Variants in PTPRD observed in about 807,000 individuals in gnomAD.
The protein encoded by PTPRD is protein tyrosine phosphatase receptor type D.
In PTPRD, 34 loss-of-function variants were observed where a neutral mutation model predicts 214.5. The observed-to-expected ratio is 0.16, with a 90% confidence interval of 0.12 to 0.21. The LOEUF (loss-of-function observed/expected upper bound fraction) is 0.21, where lower values mean the gene tolerates loss of function less well. Among genes scored for constraint, PTPRD ranks in the 10% least tolerant of loss-of-function variants. The pLI is 1.00. For missense variants in PTPRD, 2,545 were observed against 2,398.7 expected, an observed-to-expected ratio of 1.06 and a Z score of -1.27; for synonymous variants, 1,128 against 845.7, an observed-to-expected ratio of 1.33 and a Z score of -5.79.
intron 9 of PTPRD, among the ~76,000 whole-genome samples, chr9:9,300,377 G>A (rs1380181331): frequency 2.0e-5 from 3 of 151,476 alleles, no homozygotes; most frequent in Non-Finnish European, 4.4e-5. Context: ...TCCTTCCTTG[G>A]AAGCTTTGAA....
At chr9:9,810,630 T>C (rs1034129141) in intron 5 of PTPRD, among the ~76,000 whole-genome samples, 1 of 151,890 alleles carries the variant, frequency 6.6e-6, no homozygotes, top group African/African-American at 2.4e-5. Flanking sequence ...AAAGATTTCG[T>C]TTAAAATACT....
At chr9:9,126,373 T>A (rs983853467) in intron 10 of PTPRD, among the ~76,000 whole-genome samples, 1 of 152,172 alleles carries the variant, frequency 6.6e-6, no homozygotes, top group East Asian at 1.9e-4. Flanking sequence ...TATTTGAATA[T>A]AAGCTGAATA....
chr9:9,851,093 T>C (rs1206118949), intron 5 of PTPRD, among the ~76,000 whole-genome samples: 3 of 152,194 alleles, frequency 2.0e-5, no homozygotes. Flanking sequence ...TATAAGCTTA[T>C]TTAAGGATGA....
chr9:10,582,586 G>A (rs1322282), intron 2 of PTPRD, among the ~76,000 whole-genome samples: 111,866 of 152,078 alleles, frequency 0.74, 41,387 homozygotes, highest in East Asian at 0.93. Context: ...ACATATCTGG[G>A]ATGACTAGCC....
chr9:9,860,465 T>C (rs899624293), intron 5 of PTPRD, among the ~76,000 whole-genome samples: 6 of 152,242 alleles, frequency 3.9e-5, no homozygotes, highest in Admixed American at 2.0e-4. Flanking sequence ...TTGTTTATTG[T>C]TCACATGTGT....
chr9:8,377,789 T>C (rs542434126), intron 37 of PTPRD, among the ~76,000 whole-genome samples: 33 of 152,186 alleles, frequency 2.2e-4, no homozygotes, highest in African/African-American at 7.2e-4. Flanking sequence ...CACTAGAATT[T>C]TTTGGGTCCA....
At chr9:10,225,009 G>C (rs1484946603) in intron 3 of PTPRD, among the ~76,000 whole-genome samples, 1 of 151,988 alleles carries the variant, frequency 6.6e-6, no homozygotes, top group East Asian at 1.9e-4. Context: ...TAATAGTTAA[G>C]CTTTTGGGGA....
At chr9:10,214,000 C>T (rs1338411970) in intron 3 of PTPRD, among the ~76,000 whole-genome samples, 1 of 152,058 alleles carries the variant, frequency 6.6e-6, no homozygotes, top group Non-Finnish European at 1.5e-5. Context: ...TTTAACCCCA[C>T]AATTATCTAT....
intron 7 of PTPRD, among the ~76,000 whole-genome samples, chr9:9,670,614 T>G (rs1320247390): frequency 6.6e-6 from 1 of 152,184 alleles, no homozygotes; most frequent in Non-Finnish European, 1.5e-5. Flanking sequence ...CCTGGCCCAG[T>G]GTCCTGGTGC....
chr9:9,239,197 TG>T (rs1394478575), intron 9 of PTPRD, among the ~76,000 whole-genome samples: 1 of 139,356 alleles, frequency 7.2e-6, no homozygotes, highest in African/African-American at 2.6e-5. Flanking sequence ...GATGACTGTC[TG>T]AAAAAAAAAA....
chr9:8,885,022 A>C (rs2098475219), intron 11 of PTPRD, among the ~76,000 whole-genome samples: 1 of 152,160 alleles, frequency 6.6e-6, no homozygotes, highest in Admixed American at 6.6e-5. Flanking sequence ...TGAGAATGGG[A>C]TGGAATCAAT....
At chr9:8,879,310 G>T (rs1225524657) in intron 11 of PTPRD, among the ~76,000 whole-genome samples, 1 of 152,172 alleles carries the variant, frequency 6.6e-6, no homozygotes, top group Non-Finnish European at 1.5e-5. Flanking sequence ...CTGAGCATTA[G>T]TGGAGAGGGT....
At chr9:10,510,530 A>G (rs1307187605) in intron 2 of PTPRD, among the ~76,000 whole-genome samples, 1 of 152,060 alleles carries the variant, frequency 6.6e-6, no homozygotes, top group Non-Finnish European at 1.5e-5. Context: ...CTTTCGGCAT[A>G]TCGCTTTTTT....
chr9:10,307,064 T>A (rs926057079), intron 3 of PTPRD, among the ~76,000 whole-genome samples: 1 of 152,170 alleles, frequency 6.6e-6, no homozygotes, highest in Non-Finnish European at 1.5e-5. Flanking sequence ...TCATTTATAT[T>A]TGTTGGAAAC....
chr9:9,786,354 G>A (rs1240083043), intron 5 of PTPRD, among the ~76,000 whole-genome samples: 1 of 152,156 alleles, frequency 6.6e-6, no homozygotes, highest in Non-Finnish European at 1.5e-5. Flanking sequence ...TATTCATGGT[G>A]GAAAACTTTA....
chr9:10,167,789 T>G (rs2099168598), intron 3 of PTPRD, among the ~76,000 whole-genome samples: 1 of 152,116 alleles, frequency 6.6e-6, no homozygotes, highest in Non-Finnish European at 1.5e-5. Flanking sequence ...AAGGCCAAAT[T>G]CACCTTCTCC....
intron 8 of PTPRD, among the ~76,000 whole-genome samples, chr9:9,507,010 T>C (rs962078281): frequency 4.0e-5 from 6 of 151,454 alleles, no homozygotes; most frequent in Admixed American, 6.6e-5. Flanking sequence ...CTTAGTTCCA[T>C]ATGTCATAGT....
chr9:8,600,446 C>T (rs1398014959), intron 14 of PTPRD, among the ~76,000 whole-genome samples: 1 of 151,670 alleles, frequency 6.6e-6, no homozygotes, highest in African/African-American at 2.4e-5. Context: ...TAAGGGAGTG[C>T]TTGGATCACC....
At chr9:9,255,707 T>C (rs1293794204) in intron 9 of PTPRD, among the ~76,000 whole-genome samples, 1 of 152,084 alleles carries the variant, frequency 6.6e-6, no homozygotes, top group East Asian at 1.9e-4. Flanking sequence ...CAACCTTTTG[T>C]TGTAAAAGGG....
Sources: gnomAD v4.1 joint callset for allele counts (sites outside exome capture counted in the v4.1 genomes callset) on GRCh38, gnomAD v4.1.1 for gene constraint, MANE v1.5 for transcripts, NCBI Gene and HGNC (gene_info 2026-07-23, HGNC 2026-07-21) for gene names.